MIPOL1: variants seen among roughly 807,000 people sequenced by gnomAD.
MIPOL1 encodes the protein mirror-image polydactyly 1.
A neutral mutation model predicts 60.9 loss-of-function variants in MIPOL1; 57 were observed. The ratio of observed to expected loss-of-function variants is 0.94; its 90% CI spans 0.76 to 1.17. The LOEUF (loss-of-function observed/expected upper bound fraction) is 1.17. Ranked by LOEUF, MIPOL1 falls within the 50% of genes most tolerant of loss-of-function variation. MIPOL1 has a pLI of 0.00. For missense variants in MIPOL1, 551 were observed against 511.6 expected, an observed-to-expected ratio of 1.08 and a Z score of -0.74; for synonymous variants, 179 against 168.8, an observed-to-expected ratio of 1.06 and a Z score of -0.47.
At chr14:37,482,066 A>G (rs577471038) in intron 11 of MIPOL1, among the ~76,000 whole-genome samples, 1 of 152,318 alleles carries the variant, frequency 6.6e-6, no homozygotes, top group East Asian at 1.9e-4. Flanking sequence ...AAAAGAAAAA[A>G]ATAGACAGAT....
chr14:37,313,829 G>A (rs1191345958), intron 9 of MIPOL1, among the ~76,000 whole-genome samples: 1 of 152,124 alleles, frequency 6.6e-6, no homozygotes, highest in Non-Finnish European at 1.5e-5. Context: ...GGTGCATACA[G>A]GCTAAAAACT....
intron 10 of MIPOL1, among the ~76,000 whole-genome samples, chr14:37,415,647 T>G (rs1396496467): frequency 1.5e-5 from 2 of 129,380 alleles, no homozygotes; most frequent in Non-Finnish European, 3.5e-5. Flanking sequence ...AAAAAAAAAT[T>G]AGCACAGATT....
At chr14:37,423,041 C>A in intron 11 of MIPOL1, 92 bp downstream of exon 11, 1 of 745,114 alleles carries the variant, frequency 1.3e-6, no homozygotes, top group Non-Finnish European at 2.2e-6. Flanking sequence ...GGAAATACCT[C>A]AATGAAATTA....
At chr14:37,539,411 C>T (rs1366863134) in intron 12 of MIPOL1, among the ~76,000 whole-genome samples, 2 of 152,100 alleles carry the variant, frequency 1.3e-5, no homozygotes, top group Non-Finnish European at 2.9e-5. Flanking sequence ...TTTGCCCCAA[C>T]GCTCAGTCTA....
intron 1 of MIPOL1, among the ~76,000 whole-genome samples, chr14:37,235,870 A>G (rs942297162): frequency 6.6e-5 from 10 of 151,870 alleles, no homozygotes; most frequent in Non-Finnish European, 2.9e-5. Context: ...TTACGTTCCT[A>G]CCAGCAATAC....
Position 37,215,122 on chromosome 14 carries a change from C to T in MIPOL1, c.-199+17018C>T, listed in dbSNP as rs142599104. 3.5e-3 allele frequency among the ~76,000 whole-genome samples: 538 copies of T among 152,238 alleles called. 3 individuals carry two copies. Among genetic ancestry groups the T allele is most frequent in the Middle Eastern group, 0.01 (3 of 294 alleles). On this transcript the variant is annotated intron_variant, in intron 1 of 12. Transcript: ENST00000684589. Reference sequence around the variant, plus strand: ...AGTCTCTGATATGCAGAAATAATGGCGTAAGCTGTCTTCTCTCTCTCTCTC... The same window carrying T: ...AGTCTCTGATATGCAGAAATAATGGTGTAAGCTGTCTTCTCTCTCTCTCTC...
intron 1 of MIPOL1, among the ~76,000 whole-genome samples, chr14:37,202,755 C>T (rs924516016): frequency 1.3e-5 from 2 of 152,158 alleles, no homozygotes; most frequent in Admixed American, 6.5e-5. Context: ...CTGCATATTG[C>T]CTGCACTACA....
Position 37,445,804 on chromosome 14 carries a change from G to C in MIPOL1, c.1031+22855G>C, listed in dbSNP as rs930988876. Reference sequence around the variant, plus strand: ...ACTGTCTGATCTTTGACAAACCTGAGAAAAACAAGCAATGGGGAAAGGATT... The same window carrying C: ...ACTGTCTGATCTTTGACAAACCTGACAAAAACAAGCAATGGGGAAAGGATT... On this transcript the variant is annotated intron_variant, in intron 11 of 12. Transcript: ENST00000684589. 2.1e-3 allele frequency among the ~76,000 whole-genome samples: 316 copies of C among 152,166 alleles called. 2 individuals are homozygous for C. Among genetic ancestry groups the C allele is most frequent in the African/African-American group, 7.0e-3 (291 of 41,538 alleles).
intron 12 of MIPOL1, chr14:37,502,340 C>T (rs1029228732): frequency 6.6e-6 from 1 of 152,306 alleles, no homozygotes; most frequent in Non-Finnish European, 1.5e-5. Flanking sequence ...AGACACCTCC[C>T]AGTAGGGGCC....
At chr14:37,345,227 C>G (rs1439434591) in intron 9 of MIPOL1, among the ~76,000 whole-genome samples, 2 of 149,668 alleles carry the variant, frequency 1.3e-5, no homozygotes, top group Non-Finnish European at 3.0e-5. Flanking sequence ...TCTCAGCCTT[C>G]TGAGTAGTTG....
intron 3 of MIPOL1, among the ~76,000 whole-genome samples, chr14:37,264,415 C>T (rs1567197563): frequency 2.0e-5 from 3 of 151,566 alleles, no homozygotes; most frequent in Admixed American, 1.3e-4. Context: ...TGCTTGAGCC[C>T]AGGAGTTTGA....
intron 10 of MIPOL1, among the ~76,000 whole-genome samples, chr14:37,399,595 G>A (rs1033561161): frequency 6.6e-6 from 1 of 152,052 alleles, no homozygotes; most frequent in Non-Finnish European, 1.5e-5. Flanking sequence ...TTGATACAAA[G>A]CACAATAGTT....
At chr14:37,439,687 G>A (rs908440936) in intron 11 of MIPOL1, among the ~76,000 whole-genome samples, 8 of 151,892 alleles carry the variant, frequency 5.3e-5, no homozygotes, top group Admixed American at 5.2e-4. Context: ...CCACAGTCTC[G>A]TGCACATACC....
intron 7 of MIPOL1, among the ~76,000 whole-genome samples, chr14:37,292,667 G>A (rs192660482): frequency 7.2e-5 from 11 of 151,858 alleles, no homozygotes; most frequent in Middle Eastern, 3.4e-3. Flanking sequence ...TTTCAGTAGC[G>A]ATGGGGTTTC....
intron 11 of MIPOL1, among the ~76,000 whole-genome samples, chr14:37,490,297 T>C (rs1204146947): frequency 6.6e-6 from 1 of 152,012 alleles, no homozygotes; most frequent in Admixed American, 6.5e-5. Flanking sequence ...TGAACCCCCC[T>C]CCCCATACCA....
chr14:37,499,311 T>A (rs1414238122), intron 11 of MIPOL1, among the ~76,000 whole-genome samples: 1 of 152,158 alleles, frequency 6.6e-6, no homozygotes, highest in Non-Finnish European at 1.5e-5. Context: ...GTAGATGTAT[T>A]CGTTAAGAGA....
Position 37,547,145 on chromosome 14 carries a change from G to A in MIPOL1, c.*174G>A. ...ATCACAAATGTTTAACCACTTTGCTGCTGACTTGAGTTATTTATCCAAATA... is the reference window on the plus strand; with the variant it reads ...ATCACAAATGTTTAACCACTTTGCTACTGACTTGAGTTATTTATCCAAATA... On this transcript the variant is annotated 3_prime_UTR_variant, in exon 13 of 13. Transcript: ENST00000684589. 1.8e-6 allele frequency: 1 copy of A among 569,692 alleles called. No homozygotes were observed. Among genetic ancestry groups the A allele is most frequent in the Non-Finnish European group, 3.1e-6 (1 of 319,918 alleles). The allele number at this position is 569,692 out of a possible 1,614,324, so 35.3% of individuals were successfully genotyped here. A position where few individuals can be genotyped will look rare whatever the true frequency, so the allele number is the denominator to read the frequency against.
intron 9 of MIPOL1, among the ~76,000 whole-genome samples, chr14:37,356,649 G>T (rs927660662): frequency 1.3e-5 from 2 of 152,174 alleles, no homozygotes; most frequent in Admixed American, 6.5e-5. Flanking sequence ...CGCAGTATTC[G>T]GGTGGGAGTG....
At chr14:37,357,200 A>G (rs1194737691) in intron 9 of MIPOL1, among the ~76,000 whole-genome samples, 2 of 152,156 alleles carry the variant, frequency 1.3e-5, no homozygotes, top group Non-Finnish European at 2.9e-5. Context: ...CTCCATAGTG[A>G]TTGTACTAAC....
Sources: allele counts gnomAD v4.1 joint callset (sites outside exome capture counted in the v4.1 genomes callset), GRCh38; gene constraint gnomAD v4.1.1; transcripts MANE v1.5; gene names NCBI Gene and HGNC (gene_info 2026-07-23, HGNC 2026-07-21).